LHFPL6: variants seen among roughly 807,000 people sequenced by gnomAD.
LHFPL6 encodes LHFPL tetraspan subfamily member 6.
Under a neutral mutation model 20.6 loss-of-function variants are expected in LHFPL6, and 9 were observed. That is an observed-to-expected ratio of 0.44 (90% CI 0.26 to 0.76). The LOEUF is 0.76. Among genes scored for constraint, LHFPL6 ranks in the 30% least tolerant of loss-of-function variants. LHFPL6 has a pLI of 0.20. For synonymous variants in LHFPL6, 105 were observed against 98.7 expected (o/e 1.06, Z -0.38); for missense variants, 218 against 253.5 (o/e 0.86, Z 0.95).
Position 39,413,420 on chromosome 13 carries a change from C to T in LHFPL6, c.386-34894G>A, listed in dbSNP as rs184873852. Among the ~76,000 whole-genome samples, 302 of 145,682 alleles carry T rather than the reference C, an allele frequency of 2.1e-3. 1 individual carries two copies. Among genetic ancestry groups the T allele is most frequent in the African/African-American group, 7.1e-3 (276 of 39,082 alleles). On this transcript the variant is annotated intron_variant, in intron 2 of 3. Coordinates refer to ENST00000379589, the MANE Select transcript of LHFPL6 (RefSeq NM_005780.3). ...TATGTTCTTATTTAAATGTCAAACC[C>T]GAAACTACTCAGGATTTTTTTTTTT...
intron 2 of LHFPL6, among the ~76,000 whole-genome samples, chr13:39,599,492 T>C (rs1872865338): frequency 6.6e-6 from 1 of 152,230 alleles, no homozygotes; most frequent in Admixed American, 6.5e-5. Flanking sequence ...CTTTTGTCAG[T>C]GTTAAACATT....
chr13:39,600,843 T>G lies in LHFPL6; in HGVS notation c.374A>C (p.Gln125Pro). 6.7e-7 allele frequency: 1 copy of G among 1,482,594 alleles called. No homozygotes were observed. The highest frequency in any genetic ancestry group is 1.8e-4 in the Middle Eastern group (1 of 5,468). 91.8% of individuals were successfully genotyped at this position (1,482,594 alleles called of 1,614,324 possible). The change falls in exon 2 of 4, where the codon CAG becomes CCG. Residue 125 changes from glutamine to proline, a missense_variant. By Grantham distance (76) the Gln-to-Pro change is moderately conservative (BLOSUM62 -1). Coordinates refer to ENST00000379589, the MANE Select transcript of LHFPL6 (RefSeq NM_005780.3). ...AGCAAGTCACTTACCCCCAAGAAAC[T>G]GAATTCCTCCAGCCACTCTTCCCAC... ...RTVGRVAGGI[Q>P]FLGGLLIGAG...
At chr13:39,401,589 C>T (rs1593298845) in intron 2 of LHFPL6, among the ~76,000 whole-genome samples, 1 of 152,172 alleles carries the variant, frequency 6.6e-6, no homozygotes, top group African/African-American at 2.4e-5. Flanking sequence ...GATACATATG[C>T]TCAGTGTTTT....
intron 2 of LHFPL6, among the ~76,000 whole-genome samples, chr13:39,401,705 A>G (rs1369657729): frequency 1.3e-5 from 2 of 152,212 alleles, no homozygotes; most frequent in African/African-American, 4.8e-5. Flanking sequence ...ACCATAAGCA[A>G]TTAGTCTACT....
intron 2 of LHFPL6, among the ~76,000 whole-genome samples, chr13:39,385,536 A>G (rs977660815): frequency 1.3e-5 from 2 of 152,264 alleles, no homozygotes; most frequent in African/African-American, 4.8e-5. Flanking sequence ...AACCACCTAC[A>G]GGAGCGTTCC....
intron 2 of LHFPL6, among the ~76,000 whole-genome samples, chr13:39,570,999 A>C (rs910292284): frequency 6.6e-6 from 1 of 152,208 alleles, no homozygotes; most frequent in African/African-American, 2.4e-5. Context: ...CCACTACTAG[A>C]TTGAAAGTGT....
At chr13:39,547,770 G>T (rs1871025834) in intron 2 of LHFPL6, among the ~76,000 whole-genome samples, 1 of 151,714 alleles carries the variant, frequency 6.6e-6, no homozygotes, top group African/African-American at 2.4e-5. Flanking sequence ...TTTTCATATT[G>T]TAAGGAATGA....
At chr13:39,437,818 C>T (rs1250148975) in intron 2 of LHFPL6, among the ~76,000 whole-genome samples, 3 of 150,974 alleles carry the variant, frequency 2.0e-5, no homozygotes, top group African/African-American at 4.9e-5. Flanking sequence ...AGGAGAATGG[C>T]GTGAACCCAG....
chr13:39,377,863 T>TC (rs1349213819), intron 3 of LHFPL6, among the ~76,000 whole-genome samples: 2 of 152,226 alleles, frequency 1.3e-5, no homozygotes, highest in African/African-American at 2.4e-5. Flanking sequence ...ATCCCTGTGG[T>TC]CTCCTGATGA....
At chr13:39,575,672 C>T (rs145696299) in intron 2 of LHFPL6, among the ~76,000 whole-genome samples, 102 of 152,216 alleles carry the variant, frequency 6.7e-4, no homozygotes, top group African/African-American at 2.2e-3. Flanking sequence ...AGCAATTTGC[C>T]GGTCAAAAAG....
At chr13:39,481,668 A>G (rs1868531284) in intron 2 of LHFPL6, among the ~76,000 whole-genome samples, 1 of 152,148 alleles carries the variant, frequency 6.6e-6, no homozygotes, top group South Asian at 2.1e-4. Flanking sequence ...GCTCATTGGG[A>G]CTGTAACACA....
At chr13:39,518,150 GA>G (rs1259077327) in intron 2 of LHFPL6, among the ~76,000 whole-genome samples, 2 of 150,304 alleles carry the variant, frequency 1.3e-5, no homozygotes, top group Non-Finnish European at 3.0e-5. Flanking sequence ...TTCGAATAGC[GA>G]CGCTCAAAGA....
intron 2 of LHFPL6, among the ~76,000 whole-genome samples, chr13:39,582,684 G>A (rs568457729): frequency 2.0e-5 from 3 of 152,292 alleles, no homozygotes; most frequent in Admixed American, 1.3e-4. Context: ...AAGACAGACA[G>A]ACGATGACCT....
intron 2 of LHFPL6, among the ~76,000 whole-genome samples, chr13:39,517,820 G>C (rs1566130907): frequency 6.6e-6 from 1 of 152,170 alleles, no homozygotes; most frequent in Admixed American, 6.6e-5. Context: ...GAGCCACCAT[G>C]TCCAGCCTGC....
chr13:39,415,177 T>C (rs115105268), intron 2 of LHFPL6, among the ~76,000 whole-genome samples: 2,801 of 152,240 alleles, frequency 0.018, 82 homozygotes, highest in African/African-American at 0.064. Context: ...TCTGGAAAAA[T>C]ACCATGACTG....
At chr13:39,371,847 C>G (rs1463882947) in intron 3 of LHFPL6, among the ~76,000 whole-genome samples, 1 of 152,346 alleles carries the variant, frequency 6.6e-6, no homozygotes, top group East Asian at 1.9e-4. Flanking sequence ...CATGACAAAG[C>G]TGGCCCAATT....
intron 2 of LHFPL6, among the ~76,000 whole-genome samples, chr13:39,590,245 C>CA (rs1179067331): frequency 6.6e-6 from 1 of 152,098 alleles, no homozygotes; most frequent in Non-Finnish European, 1.5e-5. Context: ...CTTCAGGGTG[C>CA]AGGACCCAAA....
chr13:39,424,621 T>C (rs981266456), intron 2 of LHFPL6, among the ~76,000 whole-genome samples: 1 of 152,180 alleles, frequency 6.6e-6, no homozygotes, highest in Non-Finnish European at 1.5e-5. Flanking sequence ...GGTAGTAAGA[T>C]AACATCCAAT....
intron 2 of LHFPL6, among the ~76,000 whole-genome samples, chr13:39,508,004 A>G (rs548205586): frequency 5.5e-4 from 62 of 113,210 alleles, no homozygotes; most frequent in Non-Finnish European, 9.2e-4. Context: ...TCTTTTTAAT[A>G]GTGTTATTAA....
Sources: gnomAD v4.1 joint callset for allele counts (sites outside exome capture counted in the v4.1 genomes callset) on GRCh38, gnomAD v4.1.1 for gene constraint, MANE v1.5 for transcripts, NCBI Gene and HGNC (gene_info 2026-07-23, HGNC 2026-07-21) for gene names.